ZNF341: variants seen among roughly 807,000 people sequenced by gnomAD.
ZNF341 encodes zinc finger protein 341.
ZNF341 carries 52 observed loss-of-function variants against 87.7 expected under a neutral mutation model. The ratio of observed to expected loss-of-function variants is 0.59; its 90% CI spans 0.47 to 0.75. The LOEUF is 0.75. Among genes scored for constraint, ZNF341 ranks in the 30% least tolerant of loss-of-function variants. The pLI is 0.00. For missense variants in ZNF341, 977 were observed against 1,145.9 expected (o/e 0.85, Z 2.13); for synonymous variants, 459 against 472.7 (o/e 0.97, Z 0.38).
At chr20:33,780,193 G>T (rs1385936079) in intron 10 of ZNF341, among the ~76,000 whole-genome samples, 4 of 152,118 alleles carry the variant, frequency 2.6e-5, no homozygotes. Flanking sequence ...GTGTTCCGGG[G>T]AACAGGAACA....
rs1208940685 is a variant in ZNF341, at chr20:33,753,258, A to G, written c.576A>G (p.Pro192=). The change falls in exon 5 of 15, where the codon CCA becomes CCG. Residue 192 remains proline, a synonymous_variant. Transcript: ENST00000375200. ...CTCCTCCACCACTGCCCCCACCGCC[A>G]CCACCTCAGCCTCCACCACCTCCAC... ...PPPPPPLPPP[P]PPQPPPPPPQ... is the part of the protein sequence containing the mutation. 1.9e-6 allele frequency: 3 copies of G among 1,610,724 alleles called. No homozygotes were observed. The Admixed American group carries it at 5.0e-5, about 27-fold the overall frequency.
Position 33,747,035 on chromosome 20 carries a change from A to T in ZNF341, c.339+1736A>T, listed in dbSNP as rs1354659825. On this transcript the variant is annotated intron_variant, in intron 3 of 14. Transcript: ENST00000375200. ...CAGAGCAGAGGACAAGGCTGGAGGC[A>T]TCTGGGGAAGCTTCCAGAGTCCTCA... 3.9e-5 allele frequency among the ~76,000 whole-genome samples: 6 copies of T among 152,162 alleles called. No homozygotes were observed. The East Asian group carries it at 1.2e-3, about 29-fold the overall frequency.
intron 10 of ZNF341, among the ~76,000 whole-genome samples, chr20:33,780,709 CT>C (rs200973875): frequency 9.8e-4 from 139 of 142,236 alleles, no homozygotes; most frequent in Non-Finnish European, 8.7e-4. Context: ...CACACCAGGC[CT>C]TTTTTTTTTT....
intron 10 of ZNF341, among the ~76,000 whole-genome samples, chr20:33,772,052 T>G (rs527593105): frequency 1.6e-4 from 22 of 135,162 alleles, no homozygotes; most frequent in Middle Eastern, 4.1e-3. Flanking sequence ...CACGTCATTC[T>G]CTTTGGACCT....
Position 33,791,173 on chromosome 20 carries a change from C to T in ZNF341, c.2221C>T (p.Leu741=), listed in dbSNP as rs1431017861. The T allele has an allele frequency of 3.7e-6, 6 of 1,613,076 alleles. No homozygotes were observed. The East Asian group carries it at 1.3e-4, about 36-fold the overall frequency. ...TCTCGGCCCCCAAAAGGACAAGGAC[C>T]TGCAAACCCGGCGGCCCCCCCAGAG... ...CRLGPQKDKD[L]QTRRPPQRRA... Residue 741 remains leucine (L), a synonymous_variant, in exon 15 of 15, where the codon CTG becomes TTG. Transcript: ENST00000375200.
intron 4 of ZNF341, chr20:33,752,345 C>T: frequency 6.4e-6 from 4 of 623,980 alleles, no homozygotes; most frequent in African/African-American, 1.8e-5. Flanking sequence ...TTTGTTGAGG[C>T]TGGTATCAAT....
At chr20:33,752,535 G>T in intron 4 of ZNF341, 1 of 455,450 alleles carries the variant, frequency 2.2e-6, no homozygotes, top group South Asian at 2.0e-5. Flanking sequence ...CCTTCTTTCT[G>T]GGAGCCATTC....
intron 6 of ZNF341, 45 bp from the exon 7 acceptor site, chr20:33,758,671 C>A: frequency 6.5e-7 from 1 of 1,529,000 alleles, no homozygotes; most frequent in Admixed American, 1.7e-5. Flanking sequence ...GTGCCCTGAG[C>A]TGCACCCCCA....
intron 12 of ZNF341, chr20:33,787,738 C>T (rs756440859): frequency 6.6e-6 from 1 of 152,302 alleles, no homozygotes; most frequent in Non-Finnish European, 1.5e-5. Context: ...GCCCCTGAGC[C>T]AGTCCCTTCA....
At chr20:33,777,015 C>A (rs1289647010) in intron 10 of ZNF341, among the ~76,000 whole-genome samples, 4 of 151,728 alleles carry the variant, frequency 2.6e-5, no homozygotes, top group African/African-American at 9.7e-5. Flanking sequence ...ACTATAGTTA[C>A]CAAAATCAGG....
chr20:33,777,251 A>G (rs1351478534), intron 10 of ZNF341, among the ~76,000 whole-genome samples: 3 of 129,190 alleles, frequency 2.3e-5, no homozygotes, highest in Non-Finnish European at 4.7e-5. Context: ...TTAGCCCGGG[A>G]GGTACAGGTT....
chr20:33,780,259 G>A (rs571816105), intron 10 of ZNF341, among the ~76,000 whole-genome samples: 16 of 152,208 alleles, frequency 1.1e-4, no homozygotes, highest in Middle Eastern at 3.4e-3. Context: ...GGTAGGTCAA[G>A]GAGGCCAGGG....
At chr20:33,787,161 C>T (rs1601293390) in intron 12 of ZNF341, 1 of 152,070 alleles carries the variant, frequency 6.6e-6, no homozygotes, top group South Asian at 2.1e-4. Context: ...TTTCTTCCTG[C>T]ATCTTCAGTT....
chr20:33,741,549 G>A (rs1366681619), intron 2 of ZNF341, among the ~76,000 whole-genome samples: 5 of 152,060 alleles, frequency 3.3e-5, no homozygotes, highest in East Asian at 1.9e-4. Context: ...GATTACAGGC[G>A]TGCGCCACCA....
At chr20:33,733,241 CAG>C (rs1489654584) in intron 1 of ZNF341, among the ~76,000 whole-genome samples, 5 of 139,658 alleles carry the variant, frequency 3.6e-5, no homozygotes, top group South Asian at 2.2e-4. Flanking sequence ...TTTTTTGAGA[CAG>C]AGTCTTGCTC....
At chr20:33,768,899 G>T (rs947054303) in intron 9 of ZNF341, among the ~76,000 whole-genome samples, 4 of 152,040 alleles carry the variant, frequency 2.6e-5, no homozygotes, top group African/African-American at 7.2e-5. Flanking sequence ...CTGAAAGTGA[G>T]TCAGAATTTT....
chr20:33,782,513 A>G (rs2019765854), intron 11 of ZNF341, among the ~76,000 whole-genome samples: 1 of 152,202 alleles, frequency 6.6e-6, no homozygotes, highest in South Asian at 2.1e-4. Context: ...CTCATTCTGG[A>G]TGTTTCTTAT....
chr20:33,742,093 T>C (rs1202903227), intron 2 of ZNF341, among the ~76,000 whole-genome samples: 1 of 152,230 alleles, frequency 6.6e-6, no homozygotes, highest in Non-Finnish European at 1.5e-5. Flanking sequence ...GTGGCTCTAC[T>C]GCCCTCGAGC....
At chr20:33,753,490 C>T (rs1448452058) in intron 5 of ZNF341, 67 bp downstream of exon 5, 1 of 1,469,734 alleles carries the variant, frequency 6.8e-7, no homozygotes, top group Non-Finnish European at 9.0e-7. Flanking sequence ...CGGACCCATC[C>T]TGAGCACCAG....
Sources: gnomAD v4.1 joint callset for allele counts (sites outside exome capture counted in the v4.1 genomes callset) on GRCh38, gnomAD v4.1.1 for gene constraint, MANE v1.5 for transcripts, NCBI Gene and HGNC (gene_info 2026-07-23, HGNC 2026-07-21) for gene names.